Variants in CSGALNACT1 observed in about 807,000 individuals in gnomAD.
CSGALNACT1 encodes the protein beta4GalNAcT-1.
CSGALNACT1 carries 52 observed loss-of-function variants against 51.0 expected under a neutral mutation model. The ratio of observed to expected loss-of-function variants is 1.02; its 90% CI spans 0.82 to 1.29. The LOEUF is 1.29. Ranked by LOEUF, CSGALNACT1 falls within the 50% of genes most tolerant of loss-of-function variation. The pLI is 0.00. For missense variants in CSGALNACT1, 935 were observed against 679.2 expected, an observed-to-expected ratio of 1.38 and a Z score of -4.19; for synonymous variants, 341 against 254.4, an observed-to-expected ratio of 1.34 and a Z score of -3.24.
chr8:19,419,936 T>C (rs1043447676), intron 7 of CSGALNACT1, among the ~76,000 whole-genome samples: 11 of 152,220 alleles, frequency 7.2e-5, no homozygotes, highest in Non-Finnish European at 1.6e-4. Flanking sequence ...AACTGAATGA[T>C]GGGGACAGGT....
intron 3 of CSGALNACT1, among the ~76,000 whole-genome samples, chr8:19,587,437 T>C (rs894463405): frequency 6.6e-6 from 1 of 152,166 alleles, no homozygotes; most frequent in Non-Finnish European, 1.5e-5. Flanking sequence ...GGATGCTGTG[T>C]CCCACCCTCC....
chr8:19,605,789 T>C (rs971045916), upstream of CSGALNACT1, among the ~76,000 whole-genome samples: 4 of 152,308 alleles, frequency 2.6e-5, no homozygotes, highest in African/African-American at 9.6e-5. Flanking sequence ...CCTCTATAAA[T>C]AAACCTGCTT....
chr8:19,437,531 G>A (rs1479358374), intron 6 of CSGALNACT1, among the ~76,000 whole-genome samples: 5 of 151,964 alleles, frequency 3.3e-5, no homozygotes, highest in Non-Finnish European at 4.4e-5. Flanking sequence ...CATAAGAGAG[G>A]GCAGGACATG....
chr8:19,716,267 G>A (rs973444497), intron 1 of CSGALNACT1, among the ~76,000 whole-genome samples: 3 of 151,930 alleles, frequency 2.0e-5, no homozygotes, highest in Admixed American at 6.6e-5. Flanking sequence ...TCTGAGCACC[G>A]CCTTTGTACC....
At chr8:19,486,321 G>C (rs1441885334) in intron 4 of CSGALNACT1, among the ~76,000 whole-genome samples, 1 of 151,998 alleles carries the variant, frequency 6.6e-6, no homozygotes. Flanking sequence ...GCCTAATGGT[G>C]GTCTCTGAGC....
intron 4 of CSGALNACT1, among the ~76,000 whole-genome samples, chr8:19,469,958 GC>G (rs1255353899): frequency 1.3e-5 from 2 of 152,146 alleles, no homozygotes; most frequent in Non-Finnish European, 2.9e-5. Context: ...AAGGTGCTTG[GC>G]TAAAAAGGGA....
rs138099389 is a variant in CSGALNACT1 at position 19,421,084 on chromosome 8, G to C, written c.954-566C>G. Among the ~76,000 whole-genome samples the C allele has an allele frequency of 2.1e-3, 323 of 152,330 alleles. 2 individuals are homozygous for C. Among genetic ancestry groups the C allele is most frequent in the Middle Eastern group, 0.01 (3 of 294 alleles). ...AAATGACCAACTTGCAGTTAGAAGA[G>C]GACTGTTTCAGGCCTGGCTCTCCTA... On this transcript the variant is annotated intron_variant, in intron 6 of 9. Coordinates refer to ENST00000454498, the Ensembl canonical transcript of CSGALNACT1.
chr8:19,454,165 A>C (rs889909877), intron 5 of CSGALNACT1, among the ~76,000 whole-genome samples: 1 of 152,210 alleles, frequency 6.6e-6, no homozygotes, highest in African/African-American at 2.4e-5. Flanking sequence ...CTGACTGTCC[A>C]CGATGACAAC....
intron 6 of CSGALNACT1, among the ~76,000 whole-genome samples, chr8:19,429,589 T>C (rs1204337452): frequency 1.3e-5 from 2 of 152,242 alleles, no homozygotes; most frequent in Non-Finnish European, 1.5e-5. Context: ...TAATATTCCA[T>C]TGTGTGCTTA....
intron 1 of CSGALNACT1, among the ~76,000 whole-genome samples, chr8:19,630,328 TAG>T (rs2055072697): frequency 1.3e-5 from 2 of 152,074 alleles, no homozygotes; most frequent in South Asian, 2.1e-4. Flanking sequence ...AAAAAATTAA[TAG>T]AGTTTAATTT....
chr8:19,575,190 T>C (rs1221016124), intron 3 of CSGALNACT1, among the ~76,000 whole-genome samples: 1 of 152,206 alleles, frequency 6.6e-6, no homozygotes, highest in Non-Finnish European at 1.5e-5. Flanking sequence ...ACCTCTCCTC[T>C]ATAACCAGGG....
At chr8:19,658,864 T>C (rs1407871398) in intron 1 of CSGALNACT1, among the ~76,000 whole-genome samples, 3 of 152,234 alleles carry the variant, frequency 2.0e-5, no homozygotes, top group East Asian at 3.8e-4. Flanking sequence ...AAGTGATACA[T>C]AGTGTTTATC....
chr8:19,685,891 C>T (rs1314893886), upstream of CSGALNACT1, among the ~76,000 whole-genome samples: 2 of 152,162 alleles, frequency 1.3e-5, no homozygotes, highest in Middle Eastern at 3.2e-3. Flanking sequence ...AGCCGTACAA[C>T]CTCAGGCAAA....
chr8:19,608,643 G>A (rs2051742061), intron 1 of CSGALNACT1, among the ~76,000 whole-genome samples: 1 of 152,174 alleles, frequency 6.6e-6, no homozygotes, highest in South Asian at 2.1e-4. Context: ...CAACTGCCCA[G>A]AACACAAGTT....
chr8:19,629,625 C>T (rs1199056032), intron 1 of CSGALNACT1, among the ~76,000 whole-genome samples: 1 of 152,158 alleles, frequency 6.6e-6, no homozygotes, highest in Non-Finnish European at 1.5e-5. Flanking sequence ...TTGACACCAG[C>T]CCCCTACTCC....
At chr8:19,473,930 T>C (rs2068788278) in intron 4 of CSGALNACT1, among the ~76,000 whole-genome samples, 1 of 152,228 alleles carries the variant, frequency 6.6e-6, no homozygotes, top group African/African-American at 2.4e-5. Flanking sequence ...CCTGTATTCA[T>C]CTATGCCAGT....
intron 3 of CSGALNACT1, among the ~76,000 whole-genome samples, chr8:19,541,758 C>G (rs142454984): frequency 2.0e-4 from 31 of 151,834 alleles, no homozygotes; most frequent in Middle Eastern, 3.4e-3. Context: ...CTTTTGTAAG[C>G]TTTCAGTGTT....
At chr8:19,437,321 C>G (rs766277433) in intron 6 of CSGALNACT1, among the ~76,000 whole-genome samples, 1 of 152,154 alleles carries the variant, frequency 6.6e-6, no homozygotes, top group Non-Finnish European at 1.5e-5. Flanking sequence ...AGATCAAATT[C>G]TGCTCCCAGT....
At chr8:19,733,782 G>A (rs2063816877) in intron 1 of CSGALNACT1, among the ~76,000 whole-genome samples, 1 of 152,126 alleles carries the variant, frequency 6.6e-6, no homozygotes, top group African/African-American at 2.4e-5. Context: ...GCTCATATGA[G>A]TTTTATTTGT....
Sources: allele counts gnomAD v4.1 joint callset (sites outside exome capture counted in the v4.1 genomes callset), GRCh38; gene constraint gnomAD v4.1.1; transcripts MANE v1.5; gene names NCBI Gene and HGNC (gene_info 2026-07-23, HGNC 2026-07-21).